FAM81A: variants seen among roughly 807,000 people sequenced by gnomAD.
FAM81A encodes protein FAM81A.
FAM81A carries 19 observed loss-of-function variants against 46.7 expected under a neutral mutation model. The ratio of observed to expected loss-of-function variants is 0.41; its 90% CI spans 0.28 to 0.60. The LOEUF is 0.60. Among genes scored for constraint, FAM81A ranks in the 20% least tolerant of loss-of-function variants. FAM81A has a pLI of 0.34. For synonymous variants in FAM81A, 183 were observed against 152.9 expected, an observed-to-expected ratio of 1.20 and a Z score of -1.45; for missense variants, 377 against 453.5, an observed-to-expected ratio of 0.83 and a Z score of 1.53.
intron 4 of FAM81A, among the ~76,000 whole-genome samples, chr15:59,493,410 C>T (rs1464646827): frequency 6.6e-6 from 1 of 152,162 alleles, no homozygotes; most frequent in African/African-American, 2.4e-5. Context: ...GAACTCCAGT[C>T]TCCTTAGTGT....
At chr15:59,404,469 T>G (rs2081085669) in intron 2 of FAM81A, among the ~76,000 whole-genome samples, 1 of 151,230 alleles carries the variant, frequency 6.6e-6, no homozygotes, top group South Asian at 2.1e-4. Flanking sequence ...ACATTCTTTG[T>G]TTTTTTTTAG....
At chr15:59,464,040 C>T (rs957161971) in intron 3 of FAM81A, among the ~76,000 whole-genome samples, 5 of 152,114 alleles carry the variant, frequency 3.3e-5, no homozygotes, top group Admixed American at 6.6e-5. Context: ...CTTTTTTTAG[C>T]TTTCACATAT....
intron 2 of FAM81A, among the ~76,000 whole-genome samples, chr15:59,408,734 C>T (rs1440575701): frequency 6.6e-6 from 1 of 152,174 alleles, no homozygotes; most frequent in Non-Finnish European, 1.5e-5. Flanking sequence ...GAGGCTGAGG[C>T]AGGAGACTCT....
chr15:59,515,366 C>T (rs2082255928), intron 7 of FAM81A, among the ~76,000 whole-genome samples: 3 of 152,220 alleles, frequency 2.0e-5, no homozygotes, highest in South Asian at 4.1e-4. Context: ...TCTCCCTTCC[C>T]TTTTCTTGTA....
intron 3 of FAM81A, among the ~76,000 whole-genome samples, chr15:59,463,299 C>T (rs552594301): frequency 3.6e-4 from 55 of 152,022 alleles, no homozygotes; most frequent in East Asian, 7.7e-4. Context: ...TAAAATATAA[C>T]GGTTTATTTC....
chr15:59,477,835 A>G (rs555118540), intron 3 of FAM81A, among the ~76,000 whole-genome samples: 2 of 152,314 alleles, frequency 1.3e-5, no homozygotes, highest in East Asian at 3.9e-4. Context: ...GAATGGAAGA[A>G]TTTATTGTTT....
At chr15:59,491,313 G>T (rs1368636995) in intron 3 of FAM81A, among the ~76,000 whole-genome samples, 1 of 152,158 alleles carries the variant, frequency 6.6e-6, no homozygotes, top group Admixed American at 6.5e-5. Flanking sequence ...AATAAGCCAG[G>T]CACAGAAAGA....
At chr15:59,515,653 A>G (rs1210915788) in intron 7 of FAM81A, among the ~76,000 whole-genome samples, 2 of 152,140 alleles carry the variant, frequency 1.3e-5, no homozygotes, top group African/African-American at 4.8e-5. Flanking sequence ...ATATATATTT[A>G]AAATATTAAA....
chr15:59,413,140 G>C (rs2081129661), intron 2 of FAM81A, among the ~76,000 whole-genome samples: 1 of 152,074 alleles, frequency 6.6e-6, no homozygotes, highest in African/African-American at 2.4e-5. Context: ...GGGGGAGAAG[G>C]GGTGGCTGTG....
chr15:59,494,279 C>T (rs974816935), intron 4 of FAM81A, among the ~76,000 whole-genome samples: 1 of 152,110 alleles, frequency 6.6e-6, no homozygotes, highest in Middle Eastern at 3.2e-3. Flanking sequence ...AACTTGCGAG[C>T]TATAGGACAG....
chr15:59,520,690 G>T (rs528181474), intron 8 of FAM81A, among the ~76,000 whole-genome samples: 1 of 151,134 alleles, frequency 6.6e-6, no homozygotes, highest in Non-Finnish European at 1.5e-5. Context: ...TCAGCCTCCC[G>T]AGTAGCTGGG....
intron 4 of FAM81A, among the ~76,000 whole-genome samples, chr15:59,500,406 C>G (rs182438508): frequency 6.6e-6 from 1 of 152,030 alleles, no homozygotes; most frequent in African/African-American, 2.4e-5. Context: ...CAAGCGACCC[C>G]CCAACTTTAG....
At chr15:59,505,500 A>C (rs1175565641) in intron 4 of FAM81A, among the ~76,000 whole-genome samples, 2 of 150,902 alleles carry the variant, frequency 1.3e-5, no homozygotes, top group Non-Finnish European at 2.9e-5. Context: ...TGACAGAGTT[A>C]GACTCTGTCT....
chr15:59,474,396 C>G (rs936364728), intron 3 of FAM81A, among the ~76,000 whole-genome samples: 6 of 152,172 alleles, frequency 3.9e-5, no homozygotes, highest in African/African-American at 1.2e-4. Flanking sequence ...TGAGGGTCTT[C>G]TTGCTGCATG....
At chr15:59,462,850 T>C (rs1308248585) in intron 3 of FAM81A, among the ~76,000 whole-genome samples, 1 of 152,224 alleles carries the variant, frequency 6.6e-6, no homozygotes, top group Non-Finnish European at 1.5e-5. Flanking sequence ...GAATTCATTT[T>C]TATATTGGGT....
rs773744802 is a variant in FAM81A, at chr15:59,507,346, C to T, written c.543+4C>T. ...AATCAAAGATGCAGAGGGACAGGTACGACCTGTTTCAGGTAGCTTTTAGAA... is the reference window on the plus strand; with the variant it reads ...AATCAAAGATGCAGAGGGACAGGTATGACCTGTTTCAGGTAGCTTTTAGAA... On this transcript the variant is annotated splice_donor_region_variant and intron_variant, in intron 5 of 8. Coordinates refer to ENST00000288228, the MANE Select transcript of FAM81A (RefSeq NM_152450.3). 8 of 1,610,902 alleles carry T rather than the reference C, an allele frequency of 5.0e-6. No individual in the cohort carries two copies. Among genetic ancestry groups the T allele is most frequent in the Middle Eastern group, 1.6e-4 (1 of 6,078 alleles).
At chr15:59,436,118 CTG>C (rs1263884177), upstream of FAM81A, among the ~76,000 whole-genome samples, 2 of 152,130 alleles carry the variant, frequency 1.3e-5, no homozygotes, top group Admixed American at 6.5e-5. Context: ...TATTTGCTAA[CTG>C]TTATGATTTT....
intron 3 of FAM81A, among the ~76,000 whole-genome samples, chr15:59,479,226 T>G (rs74646823): frequency 0.071 from 10,820 of 152,062 alleles, 616 homozygotes; most frequent in African/African-American, 0.16. Context: ...TTAGAAAGGA[T>G]GGTGGCCGGG....
intron 8 of FAM81A, among the ~76,000 whole-genome samples, chr15:59,517,359 A>G (rs1468057122): frequency 1.4e-4 from 21 of 152,214 alleles, no homozygotes; most frequent in African/African-American, 4.8e-4. Flanking sequence ...CTCTGAACTC[A>G]GGAATACAGA....
Sources: allele counts gnomAD v4.1 joint callset (sites outside exome capture counted in the v4.1 genomes callset), GRCh38; gene constraint gnomAD v4.1.1; transcripts MANE v1.5; gene names NCBI Gene and HGNC (gene_info 2026-07-23, HGNC 2026-07-21).